The following ZNF275 variants were observed in gnomAD, a reference collection of about 807,000 sequenced individuals.
ZNF275 encodes the protein zinc finger protein 275.
In ZNF275, 4 loss-of-function variants were observed where a neutral mutation model predicts 4.3. That is an observed-to-expected ratio of 0.93 (90% CI 0.46 to 2.13). The LOEUF (loss-of-function observed/expected upper bound fraction) is 2.13, where lower values mean the gene tolerates loss of function less well. ZNF275 is among the 30% of genes most tolerant of loss of function. ZNF275 has a pLI of 0.02. For synonymous variants in ZNF275, 173 were observed against 166.9 expected (o/e 1.04, Z -0.28); for missense variants, 352 against 397.1 (o/e 0.89, Z 0.97).
chrX:153,344,793 A>C (rs1556961369), intron 2 of ZNF275: 2 of 370,251 alleles, frequency 5.4e-6, no homozygotes. Flanking sequence ...AGGATGTCCC[A>C]GCCCTTCCTC....
intron 2 of ZNF275, among the ~76,000 whole-genome samples, chrX:153,341,805 G>C (rs1282326367): frequency 8.9e-6 from 1 of 112,345 alleles, no homozygotes; most frequent in Non-Finnish European, 1.9e-5. Context: ...TAAGAAGTTA[G>C]TAATTACTCT....
rs782454862 is a variant in ZNF275, at chrX:153,334,281, C to T, written c.-51C>T. 355 of 112,561 alleles carry T rather than the reference C, an allele frequency of 3.2e-3. 1 individual carries two copies. The highest frequency in any genetic ancestry group is 0.011 in the African/African-American group (347 of 31,135). 9.3% of individuals were successfully genotyped at this position (112,561 alleles called of 1,213,427 possible). A position where few individuals can be genotyped will look rare whatever the true frequency, so the allele number is the denominator to read the frequency against. On this transcript the variant is annotated 5_prime_UTR_variant, in exon 1 of 4. Coordinates refer to ENST00000650114, the MANE Select transcript of ZNF275 (RefSeq NM_001367757.1). The stretch of plus-strand genomic sequence containing the variant: ...GGGCCGCGCGTCGGCCGCCGCCGGG[C>T]CTGGGTGAGTGTGCGGGCCGCGGGA...
In ZNF275 at chrX:153,348,056, C is replaced by T. The variant is rs1250871635; in HGVS notation, c.*81C>T. On this transcript the variant is annotated 3_prime_UTR_variant, in exon 4 of 4. Coordinates refer to ENST00000650114, the MANE Select transcript of ZNF275 (RefSeq NM_001367757.1). ...TCAAAGGAGATGAACAGTTTTGTAG[C>T]GCTTATATATTTTGTCTTCCAAAAG... 5.1e-6 allele frequency: 5 copies of T among 988,438 alleles called. No homozygotes were observed. Among genetic ancestry groups the T allele is most frequent in the African/African-American group, 3.9e-5 (2 of 51,171 alleles). 81.5% of individuals were successfully genotyped at this position (988,438 alleles called of 1,213,427 possible). A position where few individuals can be genotyped will look rare whatever the true frequency, so the allele number is the denominator to read the frequency against.
rs1395697996 is a variant in ZNF275 at position 153,345,539 on chromosome X, T to C, written c.51T>C (p.Pro17=). The C allele has an allele frequency of 7.4e-6, 9 of 1,209,435 alleles. No individual in the cohort carries two copies. The highest frequency in any genetic ancestry group is 7.0e-5 in the South Asian group (4 of 56,889). Residue 17 remains proline, a synonymous_variant, in exon 3 of 4, where the codon CCT becomes CCC. Transcript: ENST00000650114. ...GAGCAGGCGTTCCTGTTTTAAATCC[T>C]GCCTTGGTCCCTCACCTGGCACAAG... ...VSLLGVPVLN[P]ALVPHLAQGQ...
chrX:153,337,767 C>T (rs2088455702), intron 2 of ZNF275, among the ~76,000 whole-genome samples: 1 of 112,170 alleles, frequency 8.9e-6, no homozygotes, highest in East Asian at 2.8e-4. Flanking sequence ...AGGGCCTTTG[C>T]TTTCTGGGAG....
Position 153,347,495 on chromosome X carries a change from C to A in ZNF275, c.810C>A (p.Cys270Ter). ...TGHLPFDCDD[C>*]GKSFRGVNGL... ...ACCTGCCCTTCGACTGCGACGACTG[C>A]GGCAAGTCCTTCCGAGGGGTCAACG... The change falls in exon 4 of 4, where the codon TGC becomes TGA. Residue 270 changes from cysteine (C) to a stop codon, truncating the protein, a stop_gained. Coordinates refer to ENST00000650114, the MANE Select transcript of ZNF275 (RefSeq NM_001367757.1). LOFTEE classifies it low-confidence loss of function (END_TRUNC). 1.7e-6 allele frequency: 2 copies of A among 1,202,553 alleles called. No individual in the cohort carries two copies. The highest frequency in any genetic ancestry group is 2.2e-6 in the Non-Finnish European group (2 of 890,624).
At chrX:153,344,803 C>T (rs782448822) in intron 2 of ZNF275, 28 of 369,275 alleles carry the variant, frequency 7.6e-5, no homozygotes, top group Non-Finnish European at 1.3e-4. Context: ...AGCCCTTCCT[C>T]AAATTCACCA....
intron 1 of ZNF275, 130 bp from the exon 2 acceptor site, chrX:153,336,504 G>A (rs782750134): frequency 2.2e-5 from 10 of 464,238 alleles, no homozygotes; most frequent in South Asian, 1.5e-4. Context: ...GATCCAGATC[G>A]TGGCAGTATA....
In ZNF275 at chrX:153,347,348, C is replaced by CG. The variant is rs782097247; in HGVS notation, c.663_664insG (p.Thr222AspfsTer142). On this transcript the variant is annotated frameshift_variant, in exon 4 of 4. Transcript: ENST00000650114. LOFTEE classifies it low-confidence loss of function (END_TRUNC). ...AATGCGGGCGGTCGTTCAAAGTCAACACCCACCTCTTCCGACATCAGAAAC... is the reference window on the plus strand; with the variant it reads ...AATGCGGGCGGTCGTTCAAAGTCAACGACCCACCTCTTCCGACATCAGAAAC... The CG allele has an allele frequency of 8.2e-7, 1 of 1,212,390 alleles. No homozygotes were observed. Among genetic ancestry groups the CG allele is most frequent in the African/African-American group, 1.7e-5 (1 of 58,049 alleles).
At chrX:153,338,009 G>T (rs1377221342) in intron 2 of ZNF275, among the ~76,000 whole-genome samples, 5 of 111,433 alleles carry the variant, frequency 4.5e-5, no homozygotes, top group Non-Finnish European at 9.4e-5. Flanking sequence ...GCATTACAAT[G>T]ATTTTCATGT....
At chrX:153,338,910 C>T (rs1446924803) in intron 2 of ZNF275, among the ~76,000 whole-genome samples, 1 of 111,180 alleles carries the variant, frequency 9.0e-6, no homozygotes, top group Non-Finnish European at 1.9e-5. Flanking sequence ...TATTATTTCA[C>T]TCTTCTCTGG....
At chrX:153,342,257 A>C (rs2088484198) in intron 2 of ZNF275, among the ~76,000 whole-genome samples, 4 of 110,663 alleles carry the variant, frequency 3.6e-5, no homozygotes, top group African/African-American at 1.3e-4. Context: ...CATAGTTCCC[A>C]CCTCCAGAAG....
At chrX:153,337,589 C>T (rs1053969066) in intron 2 of ZNF275, among the ~76,000 whole-genome samples, 6 of 112,440 alleles carry the variant, frequency 5.3e-5, no homozygotes, top group Non-Finnish European at 7.5e-5. Flanking sequence ...AAGATTTGTT[C>T]ACTCACATGA....
At position 153,347,328 on chromosome X, in the gene ZNF275, G is replaced by A. The variant is rs2088524188; in HGVS notation, c.643G>A (p.Gly215Arg). 1 of 1,211,879 alleles carries A rather than the reference G, an allele frequency of 8.3e-7. No homozygotes were observed. ...GAAGCCCTTTGATTGCGAGGAATGC[G>A]GGCGGTCGTTCAAAGTCAACACCCA... is the stretch of plus-strand genomic sequence containing the variant. ...REKPFDCEECGRSFKVNTHLF... is the reference protein window; with the variant it reads ...REKPFDCEECRRSFKVNTHLF... Residue 215 changes from glycine to arginine, a missense_variant, in exon 4 of 4, where the codon GGG (glycine) becomes AGG (arginine). By Grantham distance (125) the Gly-to-Arg change is moderately radical. Transcript: ENST00000650114.
At position 153,352,280 on chromosome X, in the gene ZNF275, C is replaced by A. The variant is rs1305998528; in HGVS notation, c.*4305C>A. 8.9e-6 allele frequency: 1 copy of A among 111,881 alleles called. No homozygotes were observed. The highest frequency in any genetic ancestry group is 1.9e-5 in the Non-Finnish European group (1 of 53,186). 9.2% of individuals were successfully genotyped at this position (111,881 alleles called of 1,213,427 possible). ...CCACTTGGCTGCTTCCTGGCCAAGTCGCACCTGACTGCATGAACACCTGTT... is the reference window on the plus strand; with the variant it reads ...CCACTTGGCTGCTTCCTGGCCAAGTAGCACCTGACTGCATGAACACCTGTT... On this transcript the variant is annotated 3_prime_UTR_variant, in exon 4 of 4. Transcript: ENST00000650114.
In ZNF275 at chrX:153,349,064, G is replaced by C. The variant is rs2088540205; in HGVS notation, c.*1089G>C. ...AGTTGAGAGCATGCCCCTAAGAAGA[G>C]ATACATCTCAAGGACTCAAGTGCAG... On this transcript the variant is annotated 3_prime_UTR_variant, in exon 4 of 4. Transcript: ENST00000650114. 8.1e-6 allele frequency: 1 copy of C among 123,725 alleles called. No homozygotes were observed. Among genetic ancestry groups the C allele is most frequent in the African/African-American group, 3.2e-5 (1 of 30,884 alleles). 10.2% of individuals were successfully genotyped at this position (123,725 alleles called of 1,213,427 possible). A position where few individuals can be genotyped will look rare whatever the true frequency, so the allele number is the denominator to read the frequency against.
In ZNF275 at chrX:153,348,961, C is replaced by G. The variant is rs1256521128; in HGVS notation, c.*986C>G. 4 of 123,135 alleles carry G rather than the reference C, an allele frequency of 3.2e-5. No homozygotes were observed. The highest frequency in any genetic ancestry group is 5.6e-5 in the Non-Finnish European group (3 of 53,254). 10.1% of individuals were successfully genotyped at this position (123,135 alleles called of 1,213,427 possible). A position where few individuals can be genotyped will look rare whatever the true frequency, so the allele number is the denominator to read the frequency against. On this transcript the variant is annotated 3_prime_UTR_variant, in exon 4 of 4. Transcript: ENST00000650114. The stretch of plus-strand genomic sequence containing the variant: ...CAATTTGGTGTCCCCTATACATATC[C>G]AAAACTAGCATCGATTGGGGTTGTT...
At chrX:153,344,709 C>G (rs1556961351) in intron 2 of ZNF275, 1 of 376,028 alleles carries the variant, frequency 2.7e-6, no homozygotes, top group Admixed American at 2.5e-5. Flanking sequence ...GGTACCTCAC[C>G]ACAAGGGAGT....
intron 3 of ZNF275, 34 bp from the exon 4 acceptor site, chrX:153,346,785 T>C (rs1556961602): frequency 8.7e-7 from 1 of 1,150,609 alleles, no homozygotes; most frequent in Non-Finnish European, 1.2e-6. Flanking sequence ...CTTCATCCTC[T>C]GCAGACTACA....
Sources: gnomAD v4.1 joint callset for allele counts (sites outside exome capture counted in the v4.1 genomes callset) on GRCh38, gnomAD v4.1.1 for gene constraint, MANE v1.5 for transcripts, NCBI Gene and HGNC (gene_info 2026-07-23, HGNC 2026-07-21) for gene names.